Variants in ALK observed in about 807,000 individuals in gnomAD.
ALK encodes the protein ALK receptor tyrosine kinase, also known as ALK tyrosine kinase receptor.
Under a neutral mutation model 163.1 loss-of-function variants are expected in ALK, and 74 were observed. The observed-to-expected ratio is 0.45, with a 90% confidence interval of 0.38 to 0.55. ALK has a LOEUF of 0.55. Ranked by LOEUF, ALK falls within the 20% of genes least tolerant of loss-of-function variation. The probability of loss-of-function intolerance (pLI) is 0.00; values close to 1 mark genes in which losing one functional copy is unlikely to be tolerated. For synonymous variants in ALK, 960 were observed against 843.2 expected, an observed-to-expected ratio of 1.14 and a Z score of -2.40; for missense variants, 2,063 against 2,105.3, an observed-to-expected ratio of 0.98 and a Z score of 0.39.
At chr2:29,484,004 A>G (rs1248858637) in intron 4 of ALK, among the ~76,000 whole-genome samples, 1 of 152,174 alleles carries the variant, frequency 6.6e-6, no homozygotes, top group Non-Finnish European at 1.5e-5. Flanking sequence ...TGGTGGCAGG[A>G]AAGAGAGCAT....
chr2:29,795,362 A>G (rs1306533294), intron 1 of ALK, among the ~76,000 whole-genome samples: 1 of 152,226 alleles, frequency 6.6e-6, no homozygotes. Context: ...ATACACTTCT[A>G]GTGGGAGTAT....
chr2:29,602,664 T>C (rs939338064), intron 3 of ALK, among the ~76,000 whole-genome samples: 1 of 151,820 alleles, frequency 6.6e-6, no homozygotes, highest in Non-Finnish European at 1.5e-5. Flanking sequence ...TCAGGGGAGG[T>C]ACAACAATGA....
intron 3 of ALK, among the ~76,000 whole-genome samples, chr2:29,574,477 A>T (rs185709965): frequency 6.6e-6 from 1 of 152,326 alleles, no homozygotes; most frequent in East Asian, 1.9e-4. Context: ...ATTTTCTGGG[A>T]CAGACTTGAT....
chr2:29,311,842 C>A (rs779664917), intron 8 of ALK, among the ~76,000 whole-genome samples: 11 of 152,140 alleles, frequency 7.2e-5, no homozygotes, highest in Non-Finnish European at 1.3e-4. Context: ...CATGTTGGGA[C>A]TATATCAAGG....
rs1553380444 is a variant in ALK, at chr2:29,920,536, C to G, written c.124G>C (p.Glu42Gln). The part of the protein sequence containing the change: ...PAAGPPLQPR[E>Q]PLSYSRLQRK... ...TGCAGGCGCGAGTAGCTGAGTGGCT[C>G]CCGGGGCTGCAGCGGCGGCCCCGCA... Residue 42 changes from glutamate to glutamine, a missense_variant, in exon 1 of 29, where the codon GAG (glutamate) becomes CAG (glutamine). Transcript: ENST00000389048. The G allele has an allele frequency of 6.2e-7, 1 of 1,609,354 alleles. No homozygotes were observed. Among genetic ancestry groups the G allele is most frequent in the Non-Finnish European group, 8.5e-7 (1 of 1,178,790 alleles).
At chr2:29,198,600 C>CAT (rs1669081729) in intron 26 of ALK, among the ~76,000 whole-genome samples, 1 of 152,138 alleles carries the variant, frequency 6.6e-6, no homozygotes, top group African/African-American at 2.4e-5. Context: ...ATTCTTGGTG[C>CAT]ATATTATTTG....
At chr2:29,824,144 A>C (rs1665130357) in intron 1 of ALK, among the ~76,000 whole-genome samples, 1 of 152,232 alleles carries the variant, frequency 6.6e-6, no homozygotes, top group African/African-American at 2.4e-5. Context: ...AGCAGCTTCC[A>C]TGTAGTGTTG....
Position 29,421,425 on chromosome 2 carries a change from C to T in ALK, c.1155-37566G>A, listed in dbSNP as rs906835370. On this transcript the variant is annotated intron_variant, in intron 4 of 28. Coordinates refer to ENST00000389048, the MANE Select transcript of ALK (RefSeq NM_004304.5). ...TTCCACATTTGTTGAGCACCTATCA[C>T]GTGTCAGGAAGCATGCTGACAGCTG... 4.0e-5 allele frequency among the ~76,000 whole-genome samples: 6 copies of T among 151,474 alleles called. 1 individual carries two copies. Among genetic ancestry groups the T allele is most frequent in the African/African-American group, 9.8e-5 (4 of 40,816 alleles).
At chr2:29,837,530 C>G (rs188497933) in intron 1 of ALK, among the ~76,000 whole-genome samples, 1 of 152,078 alleles carries the variant, frequency 6.6e-6, no homozygotes, top group African/African-American at 2.4e-5. Context: ...GATACTGTAC[C>G]CCAATCTACT....
At chr2:29,567,513 T>C (rs7583472) in intron 3 of ALK, among the ~76,000 whole-genome samples, 9,450 of 152,222 alleles carry the variant, frequency 0.062, 912 homozygotes, top group African/African-American at 0.2. Context: ...TACTCTCTGT[T>C]TCTAGCAGGG....
At chr2:29,815,827 C>T (rs1393815058) in intron 1 of ALK, among the ~76,000 whole-genome samples, 2 of 152,184 alleles carry the variant, frequency 1.3e-5, no homozygotes, top group African/African-American at 4.8e-5. Context: ...ATTCCATATA[C>T]ACTCTTTCTC....
At chr2:29,400,511 AG>A (rs1245555823) in intron 4 of ALK, among the ~76,000 whole-genome samples, 24 of 152,258 alleles carry the variant, frequency 1.6e-4, no homozygotes, top group African/African-American at 5.8e-4. Context: ...CTCCTTACCA[AG>A]GCTGGGGAGT....
chr2:29,761,061 G>A (rs1250025119), intron 1 of ALK, among the ~76,000 whole-genome samples: 1 of 152,126 alleles, frequency 6.6e-6, no homozygotes, highest in African/African-American at 2.4e-5. Flanking sequence ...CCCTGCCCAG[G>A]GAGAACACAG....
intron 13 of ALK, among the ~76,000 whole-genome samples, chr2:29,236,546 C>A (rs1042882309): frequency 3.9e-5 from 6 of 152,204 alleles, no homozygotes; most frequent in African/African-American, 1.4e-4. Context: ...CCATGCTCAT[C>A]CCCCGCACCC....
chr2:29,769,058 T>C (rs1210918950), intron 1 of ALK, among the ~76,000 whole-genome samples: 1 of 152,224 alleles, frequency 6.6e-6, no homozygotes, highest in Non-Finnish European at 1.5e-5. Context: ...GGTCTTGAAC[T>C]GCTGGGCTCA....
At chr2:29,821,819 G>T (rs1297660389) in intron 1 of ALK, among the ~76,000 whole-genome samples, 1 of 152,194 alleles carries the variant, frequency 6.6e-6, no homozygotes. Context: ...CCAGGATTAA[G>T]TGGAAAATCA....
At chr2:29,208,004 C>T in intron 25 of ALK, 1 of 441,524 alleles carries the variant, frequency 2.3e-6, no homozygotes, top group South Asian at 1.6e-5. Context: ...AATTAATTAC[C>T]TCAATAAATA....
intron 26 of ALK, among the ~76,000 whole-genome samples, chr2:29,206,631 C>A (rs1378188917): frequency 6.6e-6 from 1 of 152,096 alleles, no homozygotes; most frequent in East Asian, 1.9e-4. Context: ...GGAACCAGCC[C>A]TGTTTCTGGA....
intron 1 of ALK, chr2:29,892,214 C>T (rs928296300): frequency 1.3e-5 from 2 of 152,282 alleles, no homozygotes; most frequent in Non-Finnish European, 2.9e-5. Context: ...CTCTCTTGCA[C>T]TAGTTTCCTC....
Sources: allele counts gnomAD v4.1 joint callset (sites outside exome capture counted in the v4.1 genomes callset), GRCh38; gene constraint gnomAD v4.1.1; transcripts MANE v1.5; gene names NCBI Gene and HGNC (gene_info 2026-07-23, HGNC 2026-07-21).